LILRB1: variants seen among roughly 807,000 people sequenced by gnomAD.
LILRB1 encodes the protein leukocyte immunoglobulin like receptor B1.
LILRB1 carries 59 observed loss-of-function variants against 74.6 expected under a neutral mutation model. The observed-to-expected ratio is 0.79, with a 90% CI of 0.64 to 0.98. LILRB1 has a LOEUF of 0.98. Ranked by LOEUF, LILRB1 falls within the 50% of genes least tolerant of loss-of-function variation. The probability of loss-of-function intolerance (pLI) is 0.00; values close to 1 mark genes in which losing one functional copy is unlikely to be tolerated. For synonymous variants in LILRB1, 328 were observed against 333.9 expected, an observed-to-expected ratio of 0.98 and a Z score of 0.19; for missense variants, 804 against 822.6, an observed-to-expected ratio of 0.98 and a Z score of 0.28.
upstream of LILRB1, chr19:54,630,344 G>A (rs571280240): frequency 6.1e-4 from 180 of 296,194 alleles, no homozygotes; most frequent in African/African-American, 3.7e-3. Context: ...GAAAGACTCA[G>A]AGATTTGTTC....
At chr19:54,635,007 G>C in intron 10 of LILRB1, 97 bp from the exon 11 acceptor site, 1 of 1,387,740 alleles carries the variant, frequency 7.2e-7, no homozygotes, top group Non-Finnish European at 9.7e-7. Flanking sequence ...ATGGAGGCAG[G>C]AGTGTTTTTA....
In LILRB1 at chr19:54,635,270, C is replaced by G. The variant is rs1222741259; in HGVS notation, c.1574C>G (p.Ala525Gly). ...CATTCTTCCCCCAGGTCCAGCCCAGCTGCCGATGCCCAGGAAGAAAACCTC... is the reference window on the plus strand; with the variant it reads ...CATTCTTCCCCCAGGTCCAGCCCAGGTGCCGATGCCCAGGAAGAAAACCTC... The part of the protein sequence containing the change: ...DRGLQWRSSP[A>G]ADAQEENLYA... The change falls in exon 12 of 15, where the codon GCT becomes GGT. Residue 525 changes from alanine to glycine, a missense_variant. Ala to Gly is a moderately conservative substitution (Grantham distance 60). Coordinates refer to ENST00000324602, the MANE Select transcript of LILRB1 (RefSeq NM_001081637.3). 6.2e-7 allele frequency: 1 copy of G among 1,612,472 alleles called. No homozygotes were observed. Among genetic ancestry groups the G allele is most frequent in the East Asian group, 2.2e-5 (1 of 44,892 alleles).
intron 9 of LILRB1, 187 bp from the exon 10 acceptor site, chr19:54,634,454 C>T (rs1337476417): frequency 7.9e-6 from 12 of 1,517,966 alleles, no homozygotes; most frequent in Non-Finnish European, 1.1e-5. Flanking sequence ...GCTGGGGGCC[C>T]CGGGCAGGCG....
intron 1 of LILRB1, among the ~76,000 whole-genome samples, chr19:54,623,607 C>T (rs529430352): frequency 1.2e-4 from 19 of 152,280 alleles, no homozygotes; most frequent in African/African-American, 4.1e-4. Context: ...AAAAAACCAA[C>T]GTTTTCTTTC....
chr19:54,622,376 T>C (rs928158298), intron 1 of LILRB1, among the ~76,000 whole-genome samples: 7 of 152,360 alleles, frequency 4.6e-5, no homozygotes, highest in African/African-American at 1.7e-4. Flanking sequence ...CATCAGCCTT[T>C]TGTCACTCTC....
At chr19:54,627,387 C>G (rs191553985), upstream of LILRB1, among the ~76,000 whole-genome samples, 4 of 152,206 alleles carry the variant, frequency 2.6e-5, no homozygotes, top group Admixed American at 6.5e-5. Context: ...GATGAGATGA[C>G]TTTGGTCAAG....
Position 54,637,322 on chromosome 19 carries a change from T to C in LILRB1, c.*444T>C. ...GCGGGCAGATCACGAGTTCAGGAGATCGAGACCATCTTGGCCAACATGGTG... is the reference window on the plus strand; with the variant it reads ...GCGGGCAGATCACGAGTTCAGGAGACCGAGACCATCTTGGCCAACATGGTG... On this transcript the variant is annotated 3_prime_UTR_variant, in exon 15 of 15. Transcript: ENST00000324602. 1 of 166,392 alleles carries C rather than the reference T, an allele frequency of 6.0e-6. No homozygotes were observed. Among genetic ancestry groups the C allele is most frequent in the Admixed American group, 5.7e-5 (1 of 17,686 alleles). 10.3% of individuals were successfully genotyped at this position (166,392 alleles called of 1,614,324 possible). A position where few individuals can be genotyped will look rare whatever the true frequency, so the allele number is the denominator to read the frequency against.
Position 54,633,216 on chromosome 19 carries a change from G to A in LILRB1, c.1159G>A (p.Val387Met), listed in dbSNP as rs2064068041. 5.6e-6 allele frequency: 9 copies of A among 1,614,202 alleles called. No individual in the cohort carries two copies. Among genetic ancestry groups the A allele is most frequent in the South Asian group, 1.1e-5 (1 of 91,086 alleles). The stretch of plus-strand genomic sequence containing the variant: ...CCAGGCTGAATTCCCCATGGGTCCT[G>A]TGACCTCAGCCCATGCGGGGACCTA... ...KYQAEFPMGP[V>M]TSAHAGTYRC... is the part of the protein sequence containing the mutation. Residue 387 changes from valine (V) to methionine (M), a missense_variant, in exon 7 of 15, where the codon GTG (valine) becomes ATG (methionine). Coordinates refer to ENST00000324602, the MANE Select transcript of LILRB1 (RefSeq NM_001081637.3).
intron 1 of LILRB1, among the ~76,000 whole-genome samples, chr19:54,621,978 C>T (rs1600315134): frequency 6.6e-6 from 1 of 152,130 alleles, no homozygotes; most frequent in Non-Finnish European, 1.5e-5. Context: ...TTGACTTTAG[C>T]AAAGCTCAGT....
At position 54,633,955 on chromosome 19, in the gene LILRB1, C is replaced by T. The variant is rs1318874284; in HGVS notation, c.1313-16C>T. ...AGCAGGGCAGCCCCAGCCCTCACCT[C>T]CCCGTCCTGACCCAGCAGGCCCTGA... On this transcript the variant is annotated splice_polypyrimidine_tract_variant and intron_variant, in intron 8 of 14. Coordinates refer to ENST00000324602, the MANE Select transcript of LILRB1 (RefSeq NM_001081637.3). 3.2e-6 allele frequency: 5 copies of T among 1,585,778 alleles called. No homozygotes were observed. Among genetic ancestry groups the T allele is most frequent in the Non-Finnish European group, 4.3e-6 (5 of 1,165,648 alleles).
At position 54,630,639 on chromosome 19, in the gene LILRB1, G is replaced by A. The variant is rs538782556; in HGVS notation, c.-49+6G>A. On this transcript the variant is annotated splice_donor_region_variant and intron_variant, in intron 1 of 14. Transcript: ENST00000324602. Reference sequence around the variant, plus strand: ...CTGGAGGGACGACTGCCATGGTAAGGACCCCACAACACTGAGCTGATGGAC... The same window carrying A: ...CTGGAGGGACGACTGCCATGGTAAGAACCCCACAACACTGAGCTGATGGAC... 8 of 902,064 alleles carry A rather than the reference G, an allele frequency of 8.9e-6. No homozygotes were observed. Among genetic ancestry groups the A allele is most frequent in the Admixed American group, 3.9e-5 (2 of 51,152 alleles). The allele number at this position is 902,064 out of a possible 1,614,324, so 55.9% of individuals were successfully genotyped here.
At position 54,633,662 on chromosome 19, in the gene LILRB1, C is replaced by T. The variant is rs376117202; in HGVS notation, c.1286C>T (p.Pro429Leu). ...VSGPSGGPSS[P>L]TTGPTSTSAG... ...GGACCGTCTGGGGGCCCCAGCTCCCCGACAACAGGCCCCACCTCCACATCT... is the reference window on the plus strand; with the variant it reads ...GGACCGTCTGGGGGCCCCAGCTCCCTGACAACAGGCCCCACCTCCACATCT... The change falls in exon 8 of 15, where the codon CCG becomes CTG. Residue 429 changes from proline to leucine, a missense_variant. Pro to Leu is a moderately conservative substitution (Grantham distance 98). Coordinates refer to ENST00000324602, the MANE Select transcript of LILRB1 (RefSeq NM_001081637.3). 2.0e-5 allele frequency: 33 copies of T among 1,613,576 alleles called. No homozygotes were observed. The African/African-American group carries it at 2.5e-4, about 12-fold the overall frequency.
At chr19:54,629,867 T>C (rs1438323088), upstream of LILRB1, among the ~76,000 whole-genome samples, 2 of 152,246 alleles carry the variant, frequency 1.3e-5, no homozygotes, top group East Asian at 1.9e-4. Context: ...GCTCATGACA[T>C]TGATGCTCTG....
rs763732228 is a variant in LILRB1, at chr19:54,631,293, C to T, written c.57C>T (p.Thr19=). Residue 19 remains threonine (T), a synonymous_variant, in exon 3 of 15, where the codon ACC becomes ACT. Coordinates refer to ENST00000324602, the MANE Select transcript of LILRB1 (RefSeq NM_001081637.3). The stretch of plus-strand genomic sequence containing the variant: ...CAGGGCTGAGTCTGGGCCCCCGGAC[C>T]CACGTGCAGGCAGGTGAGTCTGTCC... The part of the protein sequence containing the change: ...ICLGLSLGPR[T]HVQAGHLPKP... The T allele has an allele frequency of 1.2e-6, 2 of 1,613,430 alleles. No individual in the cohort carries two copies.
At chr19:54,624,298 T>A (rs1428907034) in intron 1 of LILRB1, among the ~76,000 whole-genome samples, 1 of 152,064 alleles carries the variant, frequency 6.6e-6, no homozygotes, top group Non-Finnish European at 1.5e-5. Context: ...GGGAGGAACG[T>A]TGTCTGTCTC....
intron 10 of LILRB1, 98 bp from the exon 11 acceptor site, chr19:54,635,006 G>A: frequency 1.4e-6 from 2 of 1,394,728 alleles, no homozygotes; most frequent in Non-Finnish European, 1.9e-6. Flanking sequence ...CATGGAGGCA[G>A]GAGTGTTTTT....
At chr19:54,633,471 C>T (rs531833014) in intron 7 of LILRB1, among the ~76,000 whole-genome samples, 153 bp downstream of exon 7, 1 of 152,186 alleles carries the variant, frequency 6.6e-6, no homozygotes, top group Non-Finnish European at 1.5e-5. Flanking sequence ...GAACAGGGCC[C>T]TCCCAGGCCT....
chr19:54,632,532 C>T lies in LILRB1; in HGVS notation c.730C>T (p.Leu244=), dbSNP rs1467835208. The T allele has an allele frequency of 6.2e-7, 1 of 1,613,946 alleles. No individual in the cohort carries two copies. Among genetic ancestry groups the T allele is most frequent in the East Asian group, 2.2e-5 (1 of 44,862 alleles). Residue 244 remains leucine (L), a synonymous_variant, in exon 6 of 15, where the codon CTG becomes TTG. Coordinates refer to ENST00000324602, the MANE Select transcript of LILRB1 (RefSeq NM_001081637.3). Reference sequence around the variant, plus strand: ...CGTGGCCCCTGAGGAGACCCTGACTCTGCAGTGTGGCTCTGATGCTGGCTA... The same window carrying T: ...CGTGGCCCCTGAGGAGACCCTGACTTTGCAGTGTGGCTCTGATGCTGGCTA... ...PIVAPEETLT[L]QCGSDAGYNR...
chr19:54,635,982 C>T (rs1402519283), intron 13 of LILRB1: 9 of 565,422 alleles, frequency 1.6e-5, no homozygotes, highest in Non-Finnish European at 3.1e-5. Flanking sequence ...GAGCTGCAGA[C>T]ACAGCAGGGA....
Sources: gnomAD v4.1 joint callset for allele counts (sites outside exome capture counted in the v4.1 genomes callset) on GRCh38, gnomAD v4.1.1 for gene constraint, MANE v1.5 for transcripts, NCBI Gene and HGNC (gene_info 2026-07-23, HGNC 2026-07-21) for gene names.